The following NEDD4L variants were observed in gnomAD, a reference collection of about 807,000 sequenced individuals.
NEDD4L encodes the protein NEDD4 like E3 ubiquitin protein ligase, also known as E3 ubiquitin-protein ligase NEDD4-like.
Under a neutral mutation model 148.9 loss-of-function variants are expected in NEDD4L, and 54 were observed. The observed-to-expected ratio is 0.36, with a 90% CI of 0.29 to 0.45. The LOEUF (loss-of-function observed/expected upper bound fraction) is 0.45. Among genes scored for constraint, NEDD4L ranks in the 20% least tolerant of loss-of-function variants. The pLI is 1.00. For missense variants in NEDD4L, 856 were observed against 1,233.8 expected (o/e 0.69, Z 4.59); for synonymous variants, 433 against 440.7 (o/e 0.98, Z 0.22).
At chr18:58,251,552 T>C (rs1360747626) in intron 4 of NEDD4L, among the ~76,000 whole-genome samples, 1 of 151,830 alleles carries the variant, frequency 6.6e-6, no homozygotes, top group Non-Finnish European at 1.5e-5. Flanking sequence ...TATGTGTGTG[T>C]GTGTGTCTCT....
At chr18:58,104,676 T>C (rs925508767) in intron 1 of NEDD4L, among the ~76,000 whole-genome samples, 5 of 152,392 alleles carry the variant, frequency 3.3e-5, no homozygotes, top group Non-Finnish European at 5.9e-5. Flanking sequence ...TGTACATTTA[T>C]AACTGACAGT....
intron 30 of NEDD4L, among the ~76,000 whole-genome samples, chr18:58,394,014 A>G (rs1406941508): frequency 2.0e-5 from 3 of 152,212 alleles, no homozygotes; most frequent in African/African-American, 7.2e-5. Flanking sequence ...TCTAAAGCAA[A>G]CAAAAATCAT....
chr18:58,395,473 G>C (rs1602103449), intron 30 of NEDD4L, among the ~76,000 whole-genome samples: 1 of 152,166 alleles, frequency 6.6e-6, no homozygotes, highest in South Asian at 2.1e-4. Context: ...ACTATTGCCA[G>C]GGCGATTTGC....
chr18:58,092,951 C>A (rs1223567401), intron 1 of NEDD4L, among the ~76,000 whole-genome samples: 1 of 151,384 alleles, frequency 6.6e-6, no homozygotes, highest in South Asian at 2.1e-4. Context: ...AGCTCCGCCT[C>A]CCAAGTTCAC....
At chr18:58,311,788 A>T (rs1471675307) in intron 5 of NEDD4L, among the ~76,000 whole-genome samples, 1 of 152,200 alleles carries the variant, frequency 6.6e-6, no homozygotes. Context: ...AGGACATCTA[A>T]GCCTGGCGTC....
chr18:58,180,898 C>A (rs2038787079), intron 2 of NEDD4L, among the ~76,000 whole-genome samples: 1 of 152,208 alleles, frequency 6.6e-6, no homozygotes, highest in Non-Finnish European at 1.5e-5. Flanking sequence ...TCTATTCCTT[C>A]TCTGGTCTAT....
In NEDD4L at chr18:58,364,261, CT is replaced by C; in HGVS notation, c.1768-5del. 6.6e-7 allele frequency: 1 copy of C among 1,517,224 alleles called. No individual in the cohort carries two copies. Among genetic ancestry groups the C allele is most frequent in the East Asian group, 2.4e-5 (1 of 41,412 alleles). The allele number at this position is 1,517,224 out of a possible 1,614,324, so 94.0% of individuals were successfully genotyped here. A position where few individuals can be genotyped will look rare whatever the true frequency, so the allele number is the denominator to read the frequency against. On this transcript the variant is annotated splice_polypyrimidine_tract_variant and splice_region_variant and intron_variant, in intron 19 of 30. Coordinates refer to ENST00000400345, the MANE Select transcript of NEDD4L (RefSeq NM_001144967.3). Reference sequence around the variant, plus strand: ...GCATTATCTATATTTATAAATTTATCTTCCAGGCTGTCCCTTACTCCAGAGA... The same window carrying C: ...GCATTATCTATATTTATAAATTTATCTCCAGGCTGTCCCTTACTCCAGAGA...
At chr18:58,091,228 A>G (rs1183093936) in intron 1 of NEDD4L, 1 of 152,238 alleles carries the variant, frequency 6.6e-6, no homozygotes, top group Non-Finnish European at 1.5e-5. Context: ...GCTAGGTTCC[A>G]GTTGCTCTGT....
chr18:58,130,656 CTG>C (rs1396257762), intron 1 of NEDD4L, among the ~76,000 whole-genome samples: 3 of 112,544 alleles, frequency 2.7e-5, no homozygotes, highest in South Asian at 3.1e-4. Flanking sequence ...GTTTGGTTGA[CTG>C]TGATCTAGCA....
intron 1 of NEDD4L, among the ~76,000 whole-genome samples, chr18:58,152,014 G>C (rs2034834257): frequency 6.6e-6 from 1 of 151,904 alleles, no homozygotes; most frequent in Admixed American, 6.6e-5. Context: ...AGTGAGTTTG[G>C]GTTAAAAATT....
intron 8 of NEDD4L, among the ~76,000 whole-genome samples, chr18:58,323,874 T>A (rs2059073903): frequency 6.6e-6 from 1 of 152,234 alleles, no homozygotes; most frequent in African/African-American, 2.4e-5. Flanking sequence ...AGACTGATGC[T>A]GTGGGTCCTA....
chr18:58,207,153 G>A (rs748670252), intron 2 of NEDD4L, among the ~76,000 whole-genome samples: 2 of 152,154 alleles, frequency 1.3e-5, no homozygotes, highest in Non-Finnish European at 2.9e-5. Flanking sequence ...AAGGATATCT[G>A]GAAGTTCCAG....
At chr18:58,044,947 G>A (rs117678973) in intron 1 of NEDD4L, 2 of 460,192 alleles carry the variant, frequency 4.3e-6, no homozygotes, top group Non-Finnish European at 7.7e-6. Context: ...GGAGCTGGGG[G>A]TTCACTCCGC....
chr18:58,283,432 T>C (rs116051010), intron 5 of NEDD4L, among the ~76,000 whole-genome samples: 3,139 of 152,270 alleles, frequency 0.021, 92 homozygotes, highest in African/African-American at 0.061. Flanking sequence ...CTGCCGCTCA[T>C]ATTTTACTGG....
chr18:58,115,429 G>A (rs949036721), intron 1 of NEDD4L, among the ~76,000 whole-genome samples: 2 of 151,750 alleles, frequency 1.3e-5, no homozygotes, highest in Non-Finnish European at 2.9e-5. Context: ...AAACATAGGA[G>A]GTTAGTTGCA....
At chr18:58,362,218 T>C (rs1263415592) in intron 19 of NEDD4L, among the ~76,000 whole-genome samples, 2 of 152,194 alleles carry the variant, frequency 1.3e-5, no homozygotes, top group Non-Finnish European at 2.9e-5. Context: ...CCTTGGGGAA[T>C]TTGTCATTTA....
intron 2 of NEDD4L, among the ~76,000 whole-genome samples, chr18:58,199,851 A>C (rs1291676740): frequency 2.0e-5 from 3 of 152,214 alleles, no homozygotes; most frequent in Non-Finnish European, 4.4e-5. Context: ...AGGAAATGGA[A>C]ATAAAGTGTG....
intron 5 of NEDD4L, among the ~76,000 whole-genome samples, chr18:58,254,142 A>T (rs1221945198): frequency 6.6e-6 from 1 of 152,198 alleles, no homozygotes; most frequent in Non-Finnish European, 1.5e-5. Context: ...TAGAAAACAG[A>T]TTTGGATGTA....
At chr18:58,323,481 T>C (rs2059028068) in intron 8 of NEDD4L, 147 bp downstream of exon 8, 1 of 583,484 alleles carries the variant, frequency 1.7e-6, no homozygotes, top group Non-Finnish European at 3.1e-6. Context: ...ATTGATAGTC[T>C]ACCAGTGCAG....
Sources: gnomAD v4.1 joint callset for allele counts (sites outside exome capture counted in the v4.1 genomes callset) on GRCh38, gnomAD v4.1.1 for gene constraint, MANE v1.5 for transcripts, NCBI Gene and HGNC (gene_info 2026-07-23, HGNC 2026-07-21) for gene names.